Variants in TBPL1 observed in about 807,000 individuals in gnomAD.
TBPL1 encodes TATA-box binding protein like 1.
A neutral mutation model predicts 22.1 loss-of-function variants in TBPL1; 4 were observed. That is an observed-to-expected ratio of 0.18 (90% CI 0.09 to 0.41). The LOEUF is 0.41. Among genes scored for constraint, TBPL1 ranks in the 10% least tolerant of loss-of-function variants. TBPL1 has a pLI of 1.00. For synonymous variants in TBPL1, 64 were observed against 71.0 expected (o/e 0.90, Z 0.50); for missense variants, 115 against 222.3 (o/e 0.52, Z 3.07).
chr6:133,985,943 A>G (rs1776513579), intron 6 of TBPL1: 2 of 152,176 alleles, frequency 1.3e-5, no homozygotes, highest in South Asian at 4.1e-4. Context: ...CTATTGAACA[A>G]TCTCTACTAA....
intron 1 of TBPL1, among the ~76,000 whole-genome samples, chr6:133,977,839 A>T (rs1776340978): frequency 6.6e-6 from 1 of 152,196 alleles, no homozygotes; most frequent in African/African-American, 2.4e-5. Context: ...TCGTGGTGCA[A>T]AATTGGCTAC....
At chr6:133,968,239 G>A (rs1270149890) in intron 1 of TBPL1, among the ~76,000 whole-genome samples, 11 of 151,842 alleles carry the variant, frequency 7.2e-5, no homozygotes, top group Admixed American at 1.3e-4. Flanking sequence ...CACCTGGCCA[G>A]GTGACTATTT....
At chr6:133,971,797 T>C (rs929280921) in intron 1 of TBPL1, among the ~76,000 whole-genome samples, 14 of 152,168 alleles carry the variant, frequency 9.2e-5, no homozygotes, top group African/African-American at 3.1e-4. Context: ...TTTGCTGAGT[T>C]GGTTGAATTT....
At chr6:133,980,348 G>A (rs558554483) in intron 2 of TBPL1, 88 bp downstream of exon 2, 1 of 1,397,502 alleles carries the variant, frequency 7.2e-7, no homozygotes, top group African/African-American at 1.5e-5. Flanking sequence ...TCTACAGATA[G>A]TTTATGAGCA....
intron 1 of TBPL1, among the ~76,000 whole-genome samples, chr6:133,969,857 G>C (rs1207160168): frequency 6.6e-6 from 1 of 152,186 alleles, no homozygotes; most frequent in Non-Finnish European, 1.5e-5. Flanking sequence ...TAAACTAACA[G>C]AATAATTCTA....
rs1165164380 is a variant in TBPL1, at chr6:133,987,646, G to GTATA, written c.*607_*608insATAT. On this transcript the variant is annotated 3_prime_UTR_variant, in exon 7 of 7. Transcript: ENST00000237264. Reference sequence around the variant, plus strand: ...ATTTTGTGTGTGTGTGTGTGTGTGTGTGTATATATATATATATATATGCAC... The same window carrying GTATA: ...ATTTTGTGTGTGTGTGTGTGTGTGTGTATATGTATATATATATATATATATGCAC... The GTATA allele has an allele frequency of 1.4e-3, 191 of 133,246 alleles. No homozygotes were observed. Among genetic ancestry groups the GTATA allele is most frequent in the African/African-American group, 5.0e-3 (182 of 36,166 alleles). The allele number at this position is 133,246 out of a possible 1,614,324, so 8.3% of individuals were successfully genotyped here.
At chr6:133,965,030 G>A (rs888752041) in intron 1 of TBPL1, among the ~76,000 whole-genome samples, 6 of 152,124 alleles carry the variant, frequency 3.9e-5, no homozygotes, top group Non-Finnish European at 7.4e-5. Flanking sequence ...AATATAGAGA[G>A]GCTTGATCTT....
chr6:133,968,891 C>T (rs946606137), intron 1 of TBPL1: 8 of 152,286 alleles, frequency 5.3e-5, no homozygotes, highest in African/African-American at 1.7e-4. Context: ...CAACTCCTGA[C>T]CTCAAATGAT....
intron 2 of TBPL1, among the ~76,000 whole-genome samples, chr6:133,982,348 TA>T (rs1282531710): frequency 2.6e-5 from 4 of 152,248 alleles, no homozygotes; most frequent in Admixed American, 6.5e-5. Context: ...GAGAGATTTC[TA>T]TACACCTTGT....
intron 1 of TBPL1, among the ~76,000 whole-genome samples, chr6:133,970,152 C>T (rs1056043787): frequency 6.6e-6 from 1 of 152,176 alleles, no homozygotes; most frequent in Non-Finnish European, 1.5e-5. Context: ...TTTCATGTGA[C>T]CTCAATTGAC....
At chr6:133,956,578 T>C (rs1255986961) in intron 1 of TBPL1, among the ~76,000 whole-genome samples, 1 of 152,242 alleles carries the variant, frequency 6.6e-6, no homozygotes, top group African/African-American at 2.4e-5. Context: ...TCATATTGTA[T>C]GTCCCTGCCC....
rs1484002843 is a variant in TBPL1, at chr6:133,985,292, AAAAAAATATATATATATATATAT to A, written c.481+623_481+645del. 5.6e-4 allele frequency among the ~76,000 whole-genome samples: 38 copies of A among 67,264 alleles called. 4 individuals are homozygous for A. Among genetic ancestry groups the A allele is most frequent in the African/African-American group, 2.2e-3 (36 of 16,592 alleles). The allele number at this position is 67,264 out of a possible 152,430, so 44.1% of individuals were successfully genotyped here. A position where few individuals can be genotyped will look rare whatever the true frequency, so the allele number is the denominator to read the frequency against. Reference sequence around the variant, plus strand: ...GACTCTGTCTAAAAAAAAAAAAAAAAAAAAAATATATATATATATATATATATATATATATATATATATATACA... The same window carrying A: ...GACTCTGTCTAAAAAAAAAAAAAAAAATATATATATATATATATATATACA... On this transcript the variant is annotated intron_variant, in intron 6 of 6. Transcript: ENST00000237264.
At chr6:133,953,588 G>A (rs1775875868) in intron 1 of TBPL1, among the ~76,000 whole-genome samples, 163 bp downstream of exon 1, 1 of 152,256 alleles carries the variant, frequency 6.6e-6, no homozygotes, top group African/African-American at 2.4e-5. Flanking sequence ...GCTGAGGTGG[G>A]GGAAACCGGT....
At chr6:133,968,312 A>C (rs908704862) in intron 1 of TBPL1, among the ~76,000 whole-genome samples, 2 of 152,200 alleles carry the variant, frequency 1.3e-5, no homozygotes, top group Non-Finnish European at 2.9e-5. Context: ...ATACTTAGAC[A>C]GTTTATCTGA....
chr6:133,960,060 T>C (rs1328868573), intron 1 of TBPL1, among the ~76,000 whole-genome samples: 2 of 152,184 alleles, frequency 1.3e-5, no homozygotes, highest in Admixed American at 6.5e-5. Context: ...ATGGCTGCAG[T>C]GTGTTCCTTG....
intron 1 of TBPL1, among the ~76,000 whole-genome samples, chr6:133,957,561 C>T (rs1179704227): frequency 1.3e-5 from 2 of 152,186 alleles, no homozygotes; most frequent in Non-Finnish European, 2.9e-5. Flanking sequence ...TGATAAATTA[C>T]AAGTATTTTC....
intron 1 of TBPL1, among the ~76,000 whole-genome samples, chr6:133,974,895 A>G (rs893961122): frequency 2.0e-5 from 3 of 152,214 alleles, no homozygotes; most frequent in Non-Finnish European, 2.9e-5. Context: ...GAAAAAATGA[A>G]TTTTAATATC....
chr6:133,974,951 A>T lies in TBPL1; in HGVS notation c.-44-5131A>T, dbSNP rs527315774. 2.0e-5 allele frequency among the ~76,000 whole-genome samples: 3 copies of T among 152,338 alleles called. 1 individual carries two copies. The Middle Eastern group carries it at 0.01, about 518-fold the overall frequency. ...AAAACACATATCCAACTTCAGTCACACCTAAGACACTGGGTTATAATTGTC... is the reference window on the plus strand; with the variant it reads ...AAAACACATATCCAACTTCAGTCACTCCTAAGACACTGGGTTATAATTGTC... On this transcript the variant is annotated intron_variant, in intron 1 of 6. Coordinates refer to ENST00000237264, the MANE Select transcript of TBPL1 (RefSeq NM_004865.4).
chr6:133,956,903 C>T (rs1288106069), intron 1 of TBPL1, among the ~76,000 whole-genome samples: 2 of 152,148 alleles, frequency 1.3e-5, no homozygotes, highest in African/African-American at 2.4e-5. Context: ...AGACTGTATA[C>T]GTATCTGAGG....
Sources: allele counts gnomAD v4.1 joint callset (sites outside exome capture counted in the v4.1 genomes callset), GRCh38; gene constraint gnomAD v4.1.1; transcripts MANE v1.5; gene names NCBI Gene and HGNC (gene_info 2026-07-23, HGNC 2026-07-21).